Variants in FRMD6 observed in about 807,000 individuals in gnomAD.
The protein encoded by FRMD6 is FERM domain-containing protein 6.
FRMD6 carries 37 observed loss-of-function variants against 73.2 expected under a neutral mutation model. That is an observed-to-expected ratio of 0.51 (90% confidence interval 0.39 to 0.66). The LOEUF is 0.66. Among genes scored for constraint, FRMD6 ranks in the 30% least tolerant of loss-of-function variants. The pLI is 0.00. For synonymous variants in FRMD6, 273 were observed against 282.2 expected, an observed-to-expected ratio of 0.97 and a Z score of 0.33; for missense variants, 714 against 780.5, an observed-to-expected ratio of 0.91 and a Z score of 1.02.
At position 51,730,318 on chromosome 14, in the gene FRMD6, A is replaced by G. The variant is rs1898191082; in HGVS notation, c.*2289A>G. On this transcript the variant is annotated 3_prime_UTR_variant, in exon 14 of 14. Transcript: ENST00000344768. Reference sequence around the variant, plus strand: ...TAGTTCTATGGGTTTTCAAAGATGAATCATGCTAAGAACACTTCTGCTTTT... The same window carrying G: ...TAGTTCTATGGGTTTTCAAAGATGAGTCATGCTAAGAACACTTCTGCTTTT... 6.6e-6 allele frequency: 1 copy of G among 152,222 alleles called. No individual in the cohort carries two copies. Among genetic ancestry groups the G allele is most frequent in the South Asian group, 2.1e-4 (1 of 4,838 alleles). 9.4% of individuals were successfully genotyped at this position (152,222 alleles called of 1,614,324 possible). A position where few individuals can be genotyped will look rare whatever the true frequency, so the allele number is the denominator to read the frequency against.
intron 2 of FRMD6, among the ~76,000 whole-genome samples, chr14:51,572,242 C>T (rs1888171587): frequency 6.6e-6 from 1 of 152,196 alleles, no homozygotes; most frequent in South Asian, 2.1e-4. Context: ...AGCTGGGTGA[C>T]CCCAGTGCAG....
chr14:51,611,036 A>T (rs1956579), intron 2 of FRMD6, among the ~76,000 whole-genome samples: 83,067 of 151,964 alleles, frequency 0.55, 24,379 homozygotes, highest in East Asian at 0.69. Context: ...AAATACAATT[A>T]TTGAGAAGAA....
intron 1 of FRMD6, among the ~76,000 whole-genome samples, chr14:51,683,124 G>A (rs1894917631): frequency 6.6e-6 from 1 of 152,048 alleles, no homozygotes; most frequent in African/African-American, 2.4e-5. Context: ...CCAACAATAC[G>A]CTTAACTTCC....
At chr14:51,703,629 T>G (rs887006095) in intron 5 of FRMD6, among the ~76,000 whole-genome samples, 3 of 152,078 alleles carry the variant, frequency 2.0e-5, no homozygotes, top group Admixed American at 6.6e-5. Context: ...AATGCATCCC[T>G]ATACTTCTGC....
At chr14:51,610,624 C>A (rs1717921453) in intron 2 of FRMD6, among the ~76,000 whole-genome samples, 1 of 149,446 alleles carries the variant, frequency 6.7e-6, no homozygotes, top group African/African-American at 2.4e-5. Context: ...AAGTCTAATG[C>A]CAGTTTCCTA....
the FRMD6 span, among the ~76,000 whole-genome samples, chr14:51,481,405 C>T: frequency 3.3e-5 from 5 of 152,188 alleles, no homozygotes; most frequent in African/African-American, 1.2e-4. Context: ...ACCATCAACT[C>T]TCGTGAGACT....
At chr14:51,609,550 C>A (rs1011995568) in intron 2 of FRMD6, among the ~76,000 whole-genome samples, 1 of 152,114 alleles carries the variant, frequency 6.6e-6, no homozygotes, top group Non-Finnish European at 1.5e-5. Flanking sequence ...AGAGAAGGGG[C>A]AGAGGAAGTG....
At chr14:51,457,171 T>C in the FRMD6 span, among the ~76,000 whole-genome samples, 2 of 152,182 alleles carry the variant, frequency 1.3e-5, no homozygotes, top group Non-Finnish European at 2.9e-5. Flanking sequence ...ATGTATGATA[T>C]GATGAATATG....
intron 2 of FRMD6, among the ~76,000 whole-genome samples, chr14:51,592,474 T>C (rs1889454762): frequency 6.6e-6 from 1 of 152,218 alleles, no homozygotes; most frequent in Non-Finnish European, 1.5e-5. Flanking sequence ...GCTCAATAAA[T>C]ATTCTAACCT....
intron 1 of FRMD6, among the ~76,000 whole-genome samples, chr14:51,533,421 T>C (rs761405623): frequency 3.9e-5 from 6 of 152,174 alleles, no homozygotes; most frequent in Non-Finnish European, 8.8e-5. Flanking sequence ...CTGAATGGCA[T>C]AAATTATTTT....
At chr14:51,573,309 C>T (rs892857096) in intron 2 of FRMD6, among the ~76,000 whole-genome samples, 2 of 152,134 alleles carry the variant, frequency 1.3e-5, no homozygotes, top group African/African-American at 4.8e-5. Flanking sequence ...ATAAGGTGAC[C>T]TGGCGTTGGA....
chr14:51,553,878 T>C (rs189544615), intron 1 of FRMD6, among the ~76,000 whole-genome samples: 29 of 152,254 alleles, frequency 1.9e-4, no homozygotes, highest in Admixed American at 6.5e-4. Context: ...TCTAGGAAGA[T>C]GAGAACAAAC....
the FRMD6 span, among the ~76,000 whole-genome samples, chr14:51,451,572 G>T: frequency 2.0e-5 from 3 of 152,130 alleles, no homozygotes; most frequent in Admixed American, 2.0e-4. Context: ...GTAGACACAG[G>T]ATTTTGCCAT....
At chr14:51,552,956 C>T (rs1350066059) in intron 1 of FRMD6, among the ~76,000 whole-genome samples, 2 of 152,192 alleles carry the variant, frequency 1.3e-5, no homozygotes, top group Admixed American at 1.3e-4. Flanking sequence ...GCAAGAAGTC[C>T]CAAGCTGGCA....
At chr14:51,663,279 A>G (rs1350120383) in intron 1 of FRMD6, among the ~76,000 whole-genome samples, 1 of 152,204 alleles carries the variant, frequency 6.6e-6, no homozygotes, top group Non-Finnish European at 1.5e-5. Flanking sequence ...ACCCAAAGGA[A>G]TATAAATCAT....
chr14:51,495,633 GT>G lies in FRMD6; in HGVS notation c.-210+6214del, dbSNP rs201677674. ...AAGCTTTGGGGGCATTGATATTAGAGTGTCTTTCTCCCTATCACTGAGCCTT... is the reference window on the plus strand; with the variant it reads ...AAGCTTTGGGGGCATTGATATTAGAGGTCTTTCTCCCTATCACTGAGCCTT... On this transcript the variant is annotated intron_variant, in intron 1 of 14. Coordinates refer to the FRMD6 transcript ENST00000356218. Among the ~76,000 whole-genome samples the G allele has an allele frequency of 6.2e-3, 947 of 152,302 alleles. 11 individuals are homozygous for G. The highest frequency in any genetic ancestry group is 0.022 in the African/African-American group (899 of 41,564).
the FRMD6 span, among the ~76,000 whole-genome samples, chr14:51,470,820 T>C: frequency 6.6e-6 from 1 of 152,240 alleles, no homozygotes; most frequent in African/African-American, 2.4e-5. Flanking sequence ...AGATGCCATA[T>C]TGTTATTGAT....
chr14:51,447,171 A>G, the FRMD6 span, among the ~76,000 whole-genome samples: 17 of 152,162 alleles, frequency 1.1e-4, no homozygotes, highest in African/African-American at 4.1e-4. Context: ...AAATGAGCAG[A>G]GGGCCTGCAG....
chr14:51,595,857 T>C (rs886560479), intron 2 of FRMD6, among the ~76,000 whole-genome samples: 1 of 152,210 alleles, frequency 6.6e-6, no homozygotes, highest in African/African-American at 2.4e-5. Flanking sequence ...CTATTGTCGA[T>C]AATTAATTAA....
Sources: gnomAD v4.1 joint callset for allele counts (sites outside exome capture counted in the v4.1 genomes callset) on GRCh38, gnomAD v4.1.1 for gene constraint, MANE v1.5 for transcripts, NCBI Gene and HGNC (gene_info 2026-07-23, HGNC 2026-07-21) for gene names.